TFR2: variants seen among roughly 807,000 people sequenced by gnomAD.
TFR2 encodes transferrin receptor 2.
In TFR2, 64 loss-of-function variants were observed where a neutral mutation model predicts 91.9. The ratio of observed to expected loss-of-function variants is 0.70; its 90% CI spans 0.57 to 0.86. The LOEUF (loss-of-function observed/expected upper bound fraction) is 0.86, where lower values mean the gene tolerates loss of function less well. Ranked by LOEUF, TFR2 falls within the 40% of genes least tolerant of loss-of-function variation. The probability of loss-of-function intolerance (pLI) is 0.00; values close to 1 mark genes in which losing one functional copy is unlikely to be tolerated. For missense variants in TFR2, 950 were observed against 1,080.5 expected (o/e 0.88, Z 1.69); for synonymous variants, 454 against 459.6 (o/e 0.99, Z 0.15).
chr7:100,631,959 G>A lies in TFR2; in HGVS notation c.967-14C>T. On this transcript the variant is annotated splice_polypyrimidine_tract_variant and intron_variant, in intron 7 of 17. Transcript: ENST00000223051. ...TCCCAGGTGCACCTGCAGGGAAAGG[G>A]GTGCCCACGCAAAGCTGCGAGCTGG... is the stretch of plus-strand genomic sequence containing the variant. The A allele has an allele frequency of 6.2e-7, 1 of 1,613,908 alleles. No individual in the cohort carries two copies. The highest frequency in any genetic ancestry group is 1.1e-5 in the South Asian group (1 of 91,086).
At chr7:100,633,169 C>T (rs762643313) in intron 5 of TFR2, 46 bp from the exon 6 acceptor site, 1 of 1,612,572 alleles carries the variant, frequency 6.2e-7, no homozygotes, top group Admixed American at 1.7e-5. Context: ...GTCCCTCCTT[C>T]GAGACCCAGG....
Position 100,627,619 on chromosome 7 carries a change from C to G in TFR2, c.1725G>C (p.Thr575=), listed in dbSNP as rs144723097. ...LPMDSSAYSF[T]AFVGVPAVEF... is the part of the protein sequence containing the mutation. Reference sequence around the variant, plus strand: ...CGACGGCAGGGACTCCCACAAAGGCCGTGAAGGAATAGGCACTGCTGTCCA... The same window carrying G: ...CGACGGCAGGGACTCCCACAAAGGCGGTGAAGGAATAGGCACTGCTGTCCA... The change falls in exon 15 of 18, where the codon ACG becomes ACC. Residue 575 remains threonine, a synonymous_variant. Transcript: ENST00000223051. 2.5e-6 allele frequency: 4 copies of G among 1,614,124 alleles called. No homozygotes were observed. The highest frequency in any genetic ancestry group is 3.4e-6 in the Non-Finnish European group (4 of 1,180,012).
Position 100,633,533 on chromosome 7 carries a change from A to C in TFR2, c.497T>G (p.Val166Gly), listed in dbSNP as rs1803511718. The change falls in exon 4 of 18, where the codon GTG becomes GGG. Residue 166 changes from valine to glycine, a missense_variant. Physicochemically the swap from Val to Gly is moderately radical, Grantham distance 109. Coordinates refer to ENST00000223051, the MANE Select transcript of TFR2 (RefSeq NM_003227.4). ...TIRQTSLRERVAGSAGMAALT... is the reference protein window; with the variant it reads ...TIRQTSLRERGAGSAGMAALT... ...AGCGGCCATCCCGGCCGAGCCTGCCACCCGTTCCCGAAGGCTGGTTTGCCT... is the reference window on the plus strand; with the variant it reads ...AGCGGCCATCCCGGCCGAGCCTGCCCCCCGTTCCCGAAGGCTGGTTTGCCT... 5.0e-6 allele frequency: 8 copies of C among 1,606,466 alleles called. No homozygotes were observed. Among genetic ancestry groups the C allele is most frequent in the Non-Finnish European group, 5.1e-6 (6 of 1,179,670 alleles).
intron 9 of TFR2, 59 bp downstream of exon 9, chr7:100,630,830 T>C: frequency 6.2e-7 from 1 of 1,608,722 alleles, no homozygotes; most frequent in South Asian, 1.1e-5. Context: ...CCAGGGTGTA[T>C]GGGCAGAAAT....
chr7:100,635,744 G>T (rs1296206437), intron 3 of TFR2, among the ~76,000 whole-genome samples: 1 of 151,968 alleles, frequency 6.6e-6, no homozygotes, highest in East Asian at 1.9e-4. Flanking sequence ...GATTACAGGT[G>T]TGAGCCACCG....
chr7:100,641,440 A>G, intron 1 of TFR2, 37 bp downstream of exon 1: 1 of 1,612,816 alleles, frequency 6.2e-7, no homozygotes, highest in Non-Finnish European at 8.5e-7. Flanking sequence ...ACTTAGAGAG[A>G]AGGCCTAAGG....
intron 3 of TFR2, 146 bp from the exon 4 acceptor site, chr7:100,633,702 T>G: frequency 2.7e-5 from 2 of 75,390 alleles, no homozygotes; most frequent in Non-Finnish European, 3.4e-5. Flanking sequence ...CGGACGCTTT[T>G]TTTTTTTTTT....
chr7:100,641,423 C>T, intron 1 of TFR2, 54 bp downstream of exon 1: 1 of 1,609,542 alleles, frequency 6.2e-7, no homozygotes, highest in Non-Finnish European at 8.5e-7. Flanking sequence ...TGGGAGGGGG[C>T]TGAGGGACTT....
intron 17 of TFR2, 22 bp from the exon 18 acceptor site, chr7:100,621,148 GT>G: frequency 6.7e-7 from 1 of 1,490,048 alleles, no homozygotes. Flanking sequence ...GGGGGATCAG[GT>G]CAGGGTTGGG....
In TFR2 at chr7:100,629,322, C is replaced by T. The variant is rs1432302080; in HGVS notation, c.1321G>A (p.Ala441Thr). The change falls in exon 10 of 18, where the codon GCT (alanine) becomes ACT (threonine). Residue 441 changes from alanine (A) to threonine (T), a missense_variant. Coordinates refer to ENST00000223051, the MANE Select transcript of TFR2 (RefSeq NM_003227.4). ...AQRDAWGPGA[A>T]KSAVGTAILL... ...ATAGCCGTCCCCACAGCGGATTTAG[C>T]TGCTCCTGGGCCCCATGCATCCCTC... 1.9e-6 allele frequency: 3 copies of T among 1,614,036 alleles called. No homozygotes were observed. Among genetic ancestry groups the T allele is most frequent in the African/African-American group, 2.7e-5 (2 of 74,952 alleles).
intron 8 of TFR2, 138 bp downstream of exon 8, chr7:100,631,668 T>A (rs1803438955): frequency 8.5e-7 from 1 of 1,181,654 alleles, no homozygotes; most frequent in East Asian, 2.5e-5. Context: ...CAGGCTGGAG[T>A]GCAGTGGTGT....
At chr7:100,632,717 TAAA>T (rs35124485) in intron 6 of TFR2, 1,505 of 202,350 alleles carry the variant, frequency 7.4e-3, no homozygotes, top group Middle Eastern at 0.014. Flanking sequence ...CCCAGCTAAC[TAAA>T]AAAAAAAAAA....
At position 100,633,220 on chromosome 7, in the gene TFR2, G is replaced by A. The variant is rs372020405; in HGVS notation, c.726+9C>T. On this transcript the variant is annotated intron_variant, in intron 5 of 17. Transcript: ENST00000223051. ...CGCCCCATCCTAGGAGCGGGCAGGGGGTGCTCACCGTGACGTTGCCGATGG... is the reference window on the plus strand; with the variant it reads ...CGCCCCATCCTAGGAGCGGGCAGGGAGTGCTCACCGTGACGTTGCCGATGG... 286 of 1,613,660 alleles carry A rather than the reference G, an allele frequency of 1.8e-4. No individual in the cohort carries two copies. Among genetic ancestry groups the A allele is most frequent in the Non-Finnish European group, 2.3e-4 (272 of 1,179,868 alleles).
chr7:100,632,134 G>A lies in TFR2; in HGVS notation c.914C>T (p.Ser305Phe), dbSNP rs367891927. The A allele has an allele frequency of 1.9e-6, 3 of 1,613,980 alleles. No homozygotes were observed. The highest frequency in any genetic ancestry group is 1.3e-5 in the African/African-American group (1 of 74,918). ...VLIYPEPADF[S>F]QDPPKPSLSS... Reference sequence around the variant, plus strand: ...CAGGCTTGGCTTGGGTGGGTCCTGGGAGAAGTCCGCTGGCTCTGGGTATAT... The same window carrying A: ...CAGGCTTGGCTTGGGTGGGTCCTGGAAGAAGTCCGCTGGCTCTGGGTATAT... The change falls in exon 7 of 18, where the codon TCC becomes TTC. Residue 305 changes from serine to phenylalanine, a missense_variant. Ser to Phe is a radical substitution (Grantham distance 155, BLOSUM62 -2). Coordinates refer to ENST00000223051, the MANE Select transcript of TFR2 (RefSeq NM_003227.4).
At chr7:100,624,418 G>A (rs1275761612) in intron 17 of TFR2, among the ~76,000 whole-genome samples, 1 of 152,152 alleles carries the variant, frequency 6.6e-6, no homozygotes, top group Non-Finnish European at 1.5e-5. Context: ...TAAAGCCAAG[G>A]TCAGCAAACT....
intron 3 of TFR2, 87 bp downstream of exon 3, chr7:100,640,599 A>G: frequency 6.8e-7 from 1 of 1,470,812 alleles, no homozygotes; most frequent in Non-Finnish European, 9.3e-7. Flanking sequence ...CAGACACCAG[A>G]GGCCTGGGCC....
At chr7:100,634,843 G>T (rs1341855493) in intron 3 of TFR2, among the ~76,000 whole-genome samples, 1 of 152,156 alleles carries the variant, frequency 6.6e-6, no homozygotes, top group Admixed American at 6.6e-5. Context: ...GTTTAGACTC[G>T]TCAGTTCCTC....
chr7:100,632,010 C>G (rs1314032335), intron 7 of TFR2, 65 bp from the exon 8 acceptor site: 8 of 1,613,976 alleles, frequency 5.0e-6, no homozygotes, highest in East Asian at 2.2e-5. Flanking sequence ...GAAAAACATG[C>G]CAGCCCTATT....
intron 4 of TFR2, 33 bp from the exon 5 acceptor site, chr7:100,633,373 G>T (rs774951879): frequency 1.2e-6 from 2 of 1,609,008 alleles, no homozygotes; most frequent in Non-Finnish European, 1.7e-6. Flanking sequence ...GCCCCGAGCC[G>T]CGTCCCCCTC....
Sources: gnomAD v4.1 joint callset for allele counts (sites outside exome capture counted in the v4.1 genomes callset) on GRCh38, gnomAD v4.1.1 for gene constraint, MANE v1.5 for transcripts, NCBI Gene and HGNC (gene_info 2026-07-23, HGNC 2026-07-21) for gene names.